Variants in OR2L13 observed in about 807,000 individuals in gnomAD.
OR2L13 encodes olfactory receptor family 2 subfamily L member 13.
In OR2L13, 14 loss-of-function variants were observed where a neutral mutation model predicts 15.3. The ratio of observed to expected loss-of-function variants is 0.91; its 90% CI spans 0.60 to 1.43. The LOEUF (loss-of-function observed/expected upper bound fraction) is 1.43. Among genes scored for constraint, OR2L13 ranks in the 40% most tolerant of loss-of-function variants. OR2L13 has a pLI of 0.00. For missense variants in OR2L13, 367 were observed against 387.9 expected, an observed-to-expected ratio of 0.95 and a Z score of 0.45; for synonymous variants, 152 against 142.9, an observed-to-expected ratio of 1.06 and a Z score of -0.45.
chr1:248,057,107 T>C, the OR2L13 span, among the ~76,000 whole-genome samples: 2 of 152,194 alleles, frequency 1.3e-5, no homozygotes, highest in Non-Finnish European at 2.9e-5. Flanking sequence ...GACAAAATTT[T>C]GTATTTTGTT....
the OR2L13 span, chr1:248,041,109 C>T: frequency 6.6e-6 from 1 of 152,060 alleles, no homozygotes; most frequent in African/African-American, 2.4e-5. Flanking sequence ...GAAAGATTTA[C>T]CTAATCTCAC....
At chr1:248,003,513 C>T in the OR2L13 span, 2 of 1,612,130 alleles carry the variant, frequency 1.2e-6, no homozygotes, top group South Asian at 1.1e-5. Flanking sequence ...ATTTGCTTTC[C>T]TCTCCACTAT....
the OR2L13 span, among the ~76,000 whole-genome samples, chr1:248,064,426 T>C: frequency 6.6e-6 from 1 of 152,174 alleles, no homozygotes; most frequent in East Asian, 1.9e-4. Context: ...ACAAAGAACT[T>C]CCCAGCTTCC....
At chr1:248,059,884 T>C in the OR2L13 span, among the ~76,000 whole-genome samples, 538 of 151,980 alleles carry the variant, frequency 3.5e-3, 6 homozygotes, top group African/African-American at 0.013. Context: ...TCTACAAAAA[T>C]AGAAAGTTAA....
chr1:248,078,357 C>T, the OR2L13 span, among the ~76,000 whole-genome samples: 2 of 151,972 alleles, frequency 1.3e-5, no homozygotes, highest in African/African-American at 4.8e-5. Context: ...GACGTAGTCC[C>T]AGCTACTCGG....
the OR2L13 span, among the ~76,000 whole-genome samples, chr1:247,996,368 A>G: frequency 6.6e-6 from 1 of 152,250 alleles, no homozygotes; most frequent in Non-Finnish European, 1.5e-5. Flanking sequence ...ATGATTATGC[A>G]TTTAAAGATC....
At chr1:247,955,629 A>G in the OR2L13 span, among the ~76,000 whole-genome samples, 1 of 144,422 alleles carries the variant, frequency 6.9e-6, no homozygotes, top group South Asian at 2.4e-4. Flanking sequence ...TGACTTTTTA[A>G]TGATCACCAT....
chr1:248,011,186 G>T, the OR2L13 span, among the ~76,000 whole-genome samples: 156 of 152,162 alleles, frequency 1.0e-3, no homozygotes, highest in African/African-American at 3.7e-3. Flanking sequence ...GTCTGTAAAG[G>T]ATTTTATTTC....
chr1:248,003,492 G>C, the OR2L13 span: 1 of 1,611,170 alleles, frequency 6.2e-7, no homozygotes, highest in South Asian at 1.1e-5. Context: ...GCCTATGTTC[G>C]TTGCATTGCT....
chr1:248,019,046 A>G, the OR2L13 span, among the ~76,000 whole-genome samples: 3 of 152,246 alleles, frequency 2.0e-5, no homozygotes, highest in Admixed American at 6.5e-5. Flanking sequence ...TTCTCTGTGG[A>G]CGGACACTTG....
the OR2L13 span, among the ~76,000 whole-genome samples, chr1:247,957,199 A>G: frequency 1.3e-5 from 2 of 152,316 alleles, no homozygotes; most frequent in East Asian, 3.9e-4. Context: ...CTATTGAGAT[A>G]ATCATAGGTT....
the OR2L13 span, among the ~76,000 whole-genome samples, chr1:248,069,018 G>T: frequency 6.6e-6 from 1 of 152,152 alleles, no homozygotes; most frequent in Non-Finnish European, 1.5e-5. Flanking sequence ...TGAAAGTGAC[G>T]GGGAGAATGG....
At chr1:247,992,377 T>C in the OR2L13 span, among the ~76,000 whole-genome samples, 1 of 152,238 alleles carries the variant, frequency 6.6e-6, no homozygotes, top group African/African-American at 2.4e-5. Context: ...TGAAGTTATA[T>C]GCAGATATGT....
chr1:247,982,921 T>C, the OR2L13 span, among the ~76,000 whole-genome samples: 1 of 152,148 alleles, frequency 6.6e-6, no homozygotes, highest in Non-Finnish European at 1.5e-5. Flanking sequence ...GTAATTAAAG[T>C]GAGCCAGCCT....
At chr1:248,069,278 A>G in the OR2L13 span, among the ~76,000 whole-genome samples, 1 of 152,208 alleles carries the variant, frequency 6.6e-6, no homozygotes, top group Non-Finnish European at 1.5e-5. Flanking sequence ...TGGATCTCTC[A>G]GCAGAAACTC....
At chr1:247,944,986 T>A in the OR2L13 span, among the ~76,000 whole-genome samples, 1 of 151,950 alleles carries the variant, frequency 6.6e-6, no homozygotes, top group South Asian at 2.1e-4. Flanking sequence ...TTTTGAAGGG[T>A]TTTTTGTGTC....
chr1:248,089,995 A>G, the OR2L13 span, among the ~76,000 whole-genome samples: 1 of 152,116 alleles, frequency 6.6e-6, no homozygotes, highest in South Asian at 2.1e-4. Context: ...TAACCTCCAT[A>G]TATTGATTTA....
the OR2L13 span, chr1:248,003,486 A>G: frequency 2.4e-4 from 386 of 1,610,244 alleles, no homozygotes; most frequent in Middle Eastern, 6.6e-4. Context: ...TCAATGGCCT[A>G]TGTTCGTTGC....
the OR2L13 span, among the ~76,000 whole-genome samples, chr1:248,072,197 T>G: frequency 1.3e-5 from 2 of 152,028 alleles, no homozygotes; most frequent in African/African-American, 4.8e-5. Context: ...AGAACAAAGC[T>G]AGAGGCATCA....
Sources: allele counts gnomAD v4.1 joint callset (sites outside exome capture counted in the v4.1 genomes callset), GRCh38; gene constraint gnomAD v4.1.1; transcripts MANE v1.5; gene names NCBI Gene and HGNC (gene_info 2026-07-23, HGNC 2026-07-21).